The following PLA2G4E variants were observed in gnomAD, a reference collection of about 807,000 sequenced individuals.
The protein encoded by PLA2G4E is cytosolic phospholipase A2 epsilon.
PLA2G4E carries 84 observed loss-of-function variants against 109.1 expected under a neutral mutation model. The observed-to-expected ratio is 0.77, with a 90% CI of 0.65 to 0.92. PLA2G4E has a LOEUF of 0.92. Among genes scored for constraint, PLA2G4E ranks in the 40% least tolerant of loss-of-function variants. The pLI is 0.00. For missense variants in PLA2G4E, 1,057 were observed against 1,076.6 expected (o/e 0.98, Z 0.25); for synonymous variants, 469 against 436.1 (o/e 1.08, Z -0.94).
chr15:42,033,629 G>C (rs1021501861), intron 1 of PLA2G4E, among the ~76,000 whole-genome samples: 3 of 152,160 alleles, frequency 2.0e-5, no homozygotes, highest in Admixed American at 6.5e-5. Context: ...CTGCAGTCCT[G>C]GTTTCTGTCA....
chr15:42,012,844 T>C (rs12439430), intron 2 of PLA2G4E, among the ~76,000 whole-genome samples: 58,272 of 152,174 alleles, frequency 0.38, 11,941 homozygotes, highest in South Asian at 0.53. Flanking sequence ...GTCATTCCTG[T>C]GTGGTTACCG....
intron 1 of PLA2G4E, among the ~76,000 whole-genome samples, chr15:42,034,625 T>C (rs1412631843): frequency 1.3e-5 from 2 of 152,194 alleles, no homozygotes; most frequent in African/African-American, 4.8e-5. Context: ...AACAATTAAA[T>C]CTCCTCCTCT....
chr15:42,001,030 G>T, intron 7 of PLA2G4E, 127 bp downstream of exon 7: 1 of 933,960 alleles, frequency 1.1e-6, no homozygotes, highest in Non-Finnish European at 1.7e-6. Context: ...ATTCTGAGGG[G>T]TTTCAGCCGA....
At chr15:42,022,771 C>T (rs2068659405) in intron 1 of PLA2G4E, among the ~76,000 whole-genome samples, 1 of 152,126 alleles carries the variant, frequency 6.6e-6, no homozygotes, top group African/African-American at 2.4e-5. Context: ...TGGCCTGGTT[C>T]CAAACAGGCC....
chr15:41,994,184 C>T (rs1301829646), intron 12 of PLA2G4E, among the ~76,000 whole-genome samples: 1 of 152,222 alleles, frequency 6.6e-6, no homozygotes, highest in Non-Finnish European at 1.5e-5. Flanking sequence ...AATGACAATG[C>T]CTCTCTCATA....
At chr15:42,029,086 C>T (rs971092499) in intron 1 of PLA2G4E, among the ~76,000 whole-genome samples, 1 of 148,790 alleles carries the variant, frequency 6.7e-6, no homozygotes, top group Non-Finnish European at 1.5e-5. Context: ...CAGCTTAGTG[C>T]TTTTCTTTTC....
At chr15:42,008,672 ATAG>A (rs2068502073) in intron 2 of PLA2G4E, among the ~76,000 whole-genome samples, 1 of 152,196 alleles carries the variant, frequency 6.6e-6, no homozygotes, top group African/African-American at 2.4e-5. Context: ...TAGGGTGAAA[ATAG>A]TAGCCCAGAC....
At chr15:41,992,956 G>T in exon 13 of PLA2G4E, 1 of 1,609,964 alleles carries the variant, frequency 6.2e-7, no homozygotes, top group South Asian at 1.1e-5. Context: ...AGGTAGCCAT[G>T]GTCCTGGAAA....
chr15:42,049,080 G>A (rs188178980), intron 1 of PLA2G4E, among the ~76,000 whole-genome samples: 5 of 152,192 alleles, frequency 3.3e-5, no homozygotes, highest in Non-Finnish European at 5.9e-5. Flanking sequence ...CTTCTAGAAC[G>A]GAGGCAGAGT....
At chr15:42,020,524 C>T (rs931798482) in intron 1 of PLA2G4E, among the ~76,000 whole-genome samples, 3 of 152,244 alleles carry the variant, frequency 2.0e-5, no homozygotes, top group African/African-American at 7.2e-5. Flanking sequence ...CAATTCTCAC[C>T]ATACACTACA....
chr15:41,985,713 C>G (rs1339986997), intron 18 of PLA2G4E, 126 bp downstream of exon 18: 8 of 1,228,712 alleles, frequency 6.5e-6, no homozygotes, highest in Non-Finnish European at 9.1e-6. Flanking sequence ...TTGGCTTCCT[C>G]TGATGCTCTC....
rs764010407 is a variant in PLA2G4E at position 41,984,569 on chromosome 15, G to A, written c.2253C>T (p.Pro751=). 1.9e-6 allele frequency: 3 copies of A among 1,613,804 alleles called. No homozygotes were observed. In the African/African-American group the frequency reaches 4.0e-5, roughly 22 times the overall value. ...CATTCTCATCTGGCAGCTCGTATTT[G>A]GGGAAGGGGATGTTCTGCACAGTGC... The change falls in exon 19 of 20, where the codon CCC becomes CCT. Residue 751 remains proline, a synonymous_variant. Coordinates refer to ENST00000399518, the Ensembl canonical transcript of PLA2G4E.
intron 16 of PLA2G4E, 93 bp from the exon 17 acceptor site, chr15:41,987,468 G>T: frequency 2.5e-6 from 3 of 1,194,650 alleles, no homozygotes; most frequent in Non-Finnish European, 2.4e-6. Flanking sequence ...GGCACCCAGG[G>T]GTGAGCACTG....
chr15:41,997,404 G>T, intron 10 of PLA2G4E, 145 bp from the exon 11 acceptor site: 1 of 887,796 alleles, frequency 1.1e-6, no homozygotes, highest in Non-Finnish European at 1.6e-6. Context: ...TTTCCCATCT[G>T]TAAAGTGGGG....
At chr15:41,993,090 G>A in intron 12 of PLA2G4E, 131 bp from the exon 13 acceptor site, 2 of 749,530 alleles carry the variant, frequency 2.7e-6, no homozygotes, top group South Asian at 1.9e-5. Flanking sequence ...TGGAGAGTAG[G>A]GGTGAGGCAG....
intron 1 of PLA2G4E, among the ~76,000 whole-genome samples, chr15:42,041,452 T>C (rs900105428): frequency 6.6e-6 from 1 of 152,160 alleles, no homozygotes; most frequent in African/African-American, 2.4e-5. Context: ...CGAATCCAGT[T>C]GCATCCATAA....
At chr15:42,036,941 C>T (rs1004640342) in intron 1 of PLA2G4E, among the ~76,000 whole-genome samples, 2 of 152,232 alleles carry the variant, frequency 1.3e-5, no homozygotes, top group Admixed American at 6.5e-5. Context: ...GCGCCCACTC[C>T]GATCTCAGAG....
chr15:41,995,218 A>T, intron 12 of PLA2G4E, 142 bp downstream of exon 12: 1 of 1,122,272 alleles, frequency 8.9e-7, no homozygotes, highest in East Asian at 2.6e-5. Flanking sequence ...GCCCAAGGCC[A>T]CACCACTGCA....
At chr15:42,009,921 T>C (rs1704369) in intron 2 of PLA2G4E, 100,352 of 179,786 alleles carry the variant, frequency 0.56, 29,400 homozygotes, top group Non-Finnish European at 0.64. Flanking sequence ...GAGTCCTCTG[T>C]TCCTCTCCTG....
Sources: gnomAD v4.1 joint callset for allele counts (sites outside exome capture counted in the v4.1 genomes callset) on GRCh38, gnomAD v4.1.1 for gene constraint, MANE v1.5 for transcripts, NCBI Gene and HGNC (gene_info 2026-07-23, HGNC 2026-07-21) for gene names.